The following ZMAT1 variants were observed in gnomAD, a reference collection of about 807,000 sequenced individuals.
The protein encoded by ZMAT1 is zinc finger matrin-type protein 1.
A neutral mutation model predicts 18.5 loss-of-function variants in ZMAT1; 11 were observed. That is an observed-to-expected ratio of 0.59 (90% confidence interval 0.37 to 0.98). The LOEUF (loss-of-function observed/expected upper bound fraction) is 0.98. Among genes scored for constraint, ZMAT1 ranks in the 50% least tolerant of loss-of-function variants. ZMAT1 has a pLI of 0.01. For synonymous variants in ZMAT1, 211 were observed against 176.4 expected, an observed-to-expected ratio of 1.20 and a Z score of -1.55; for missense variants, 525 against 496.2, an observed-to-expected ratio of 1.06 and a Z score of -0.55.
chrX:101,916,021 G>A (rs1603282747), intron 1 of ZMAT1, among the ~76,000 whole-genome samples: 1 of 112,003 alleles, frequency 8.9e-6, no homozygotes, highest in East Asian at 2.8e-4. Context: ...ACTGGATAAA[G>A]AAAATGTGGT....
chrX:101,890,424 A>C (rs925372276), intron 4 of ZMAT1, among the ~76,000 whole-genome samples: 1 of 111,849 alleles, frequency 8.9e-6, no homozygotes, highest in Non-Finnish European at 1.9e-5. Flanking sequence ...AAAAGATTTG[A>C]ATTTGTAAGA....
rs1210711210 is a variant in ZMAT1, at chrX:101,894,971, G to A, written c.676+2897C>T. 4 of 608,865 alleles carry A rather than the reference G, an allele frequency of 6.6e-6. No homozygotes were observed. In the African/African-American group the frequency reaches 9.9e-5, roughly 15 times the overall value. The allele number at this position is 608,865 out of a possible 1,213,427, so 50.2% of individuals were successfully genotyped here. A position where few individuals can be genotyped will look rare whatever the true frequency, so the allele number is the denominator to read the frequency against. On this transcript the variant is annotated intron_variant, in intron 4 of 5. Coordinates refer to ENST00000651725, the MANE Select transcript of ZMAT1 (RefSeq NM_001394560.1). ...AAGTGGATCACTCCAGTCAGGATCA[G>A]TCTCTTTACTGTGCCTGAATTCTTG...
At chrX:101,907,271 G>A (rs759092298) in intron 1 of ZMAT1, among the ~76,000 whole-genome samples, 15 of 111,599 alleles carry the variant, frequency 1.3e-4, no homozygotes, top group Non-Finnish European at 2.6e-4. Context: ...GCCTGCCCTC[G>A]TCAACACAGG....
chrX:101,924,631 G>A (rs1929946706), intron 1 of ZMAT1, among the ~76,000 whole-genome samples: 1 of 111,830 alleles, frequency 8.9e-6, no homozygotes, highest in Non-Finnish European at 1.9e-5. Context: ...TGATAATGAA[G>A]TAAGGGTTTA....
At chrX:101,921,514 G>C (rs1450438471) in intron 1 of ZMAT1, among the ~76,000 whole-genome samples, 2 of 111,460 alleles carry the variant, frequency 1.8e-5, no homozygotes, top group Non-Finnish European at 3.8e-5. Context: ...CCACTCATAA[G>C]GTATAACCTA....
rs375775507 is a variant in ZMAT1, at chrX:101,900,394, G to A, written c.400-2174C>T. Among the ~76,000 whole-genome samples, 27 of 98,158 alleles carry A rather than the reference G, an allele frequency of 2.8e-4. 3 individuals carry two copies. The highest frequency in any genetic ancestry group is 1.7e-3 in the East Asian group (6 of 3,510). The allele number at this position is 98,158 out of a possible 115,157, so 85.2% of individuals were successfully genotyped here. A position where few individuals can be genotyped will look rare whatever the true frequency, so the allele number is the denominator to read the frequency against. On this transcript the variant is annotated intron_variant, in intron 2 of 5. Transcript: ENST00000651725. Reference sequence around the variant, plus strand: ...CCTTGCCTAAGCCAGTATCTAGAAGGGTTTTTCCATTGTTATCATCCAGAA... The same window carrying A: ...CCTTGCCTAAGCCAGTATCTAGAAGAGTTTTTCCATTGTTATCATCCAGAA...
In ZMAT1 at chrX:101,884,320, A is replaced by G. The variant is rs772847572; in HGVS notation, c.1278T>C (p.His426=). Residue 426 remains histidine (H), a synonymous_variant, in exon 6 of 6, where the codon CAT becomes CAC. Coordinates refer to ENST00000651725, the MANE Select transcript of ZMAT1 (RefSeq NM_001394560.1). ...EASQTYQRPY[H]ISPVESQLPQ... is the part of the protein sequence containing the mutation. ...GTAACTGGCTTTCCACTGGTGAAAT[A>G]TGGTATGGTCGTTGGTAGGTCTGGG... 6 of 1,210,257 alleles carry G rather than the reference A, an allele frequency of 5.0e-6. 1 individual carries two copies. The South Asian group carries it at 8.8e-5, about 18-fold the overall frequency.
rs371282679 is a variant in ZMAT1 at position 101,884,386 on chromosome X, G to C, written c.1212C>G (p.Pro404=). ...HGYREMVDSG[P]RSRMCEQRFS... is the part of the protein sequence containing the mutation. Reference sequence around the variant, plus strand: ...ATCTTTGCTCACACATTCTTGATCTGGGTCCAGAATCAACCATTTCTCTGT... The same window carrying C: ...ATCTTTGCTCACACATTCTTGATCTCGGTCCAGAATCAACCATTTCTCTGT... The change falls in exon 6 of 6, where the codon CCC becomes CCG. Residue 404 remains proline (P), a synonymous_variant. Transcript: ENST00000651725. 7 of 1,208,627 alleles carry C rather than the reference G, an allele frequency of 5.8e-6. No individual in the cohort carries two copies. The African/African-American group carries it at 1.2e-4, about 21-fold the overall frequency.
chrX:101,924,918 T>C (rs1483703690), intron 1 of ZMAT1, among the ~76,000 whole-genome samples: 1 of 112,469 alleles, frequency 8.9e-6, no homozygotes. Context: ...GAAAAAGTTC[T>C]GGAGATGGAC....
At chrX:101,888,877 T>TA (rs1391557815) in intron 4 of ZMAT1, 1 of 112,109 alleles carries the variant, frequency 8.9e-6, no homozygotes, top group Non-Finnish European at 1.9e-5. Flanking sequence ...ATTATGACTA[T>TA]AAACTCAGAT....
intron 1 of ZMAT1, among the ~76,000 whole-genome samples, chrX:101,927,364 A>G (rs202054735): frequency 3.6e-5 from 4 of 112,044 alleles, no homozygotes; most frequent in Admixed American, 2.8e-4. Context: ...ACCTCTCAGC[A>G]TGATGACCAC....
At chrX:101,900,847 T>C (rs987723566) in intron 2 of ZMAT1, among the ~76,000 whole-genome samples, 4 of 111,400 alleles carry the variant, frequency 3.6e-5, no homozygotes, top group African/African-American at 1.3e-4. Flanking sequence ...AGAATGATGG[T>C]GGTATTTTGA....
In ZMAT1 at chrX:101,883,334, C is replaced by T. The variant is rs1036170200; in HGVS notation, c.*176G>A. ...TCTTTTCTCAGAGGTTAAGTTTGGGCTTTTTTTTTCCTTCTTTTAATTCAA... is the reference window on the plus strand; with the variant it reads ...TCTTTTCTCAGAGGTTAAGTTTGGGTTTTTTTTTTCCTTCTTTTAATTCAA... On this transcript the variant is annotated 3_prime_UTR_variant, in exon 6 of 6. Coordinates refer to ENST00000651725, the MANE Select transcript of ZMAT1 (RefSeq NM_001394560.1). 40 of 327,653 alleles carry T rather than the reference C, an allele frequency of 1.2e-4. 1 individual carries two copies. The highest frequency in any genetic ancestry group is 1.8e-3 in the Middle Eastern group (2 of 1,139). 27.0% of individuals were successfully genotyped at this position (327,653 alleles called of 1,213,427 possible). A position where few individuals can be genotyped will look rare whatever the true frequency, so the allele number is the denominator to read the frequency against.
intron 4 of ZMAT1, among the ~76,000 whole-genome samples, chrX:101,893,550 A>C (rs1927580420): frequency 8.9e-6 from 1 of 111,877 alleles, no homozygotes; most frequent in African/African-American, 3.2e-5. Context: ...CAACAAATAA[A>C]GATAATTAAT....
intron 4 of ZMAT1, among the ~76,000 whole-genome samples, chrX:101,892,109 A>G (rs1332046304): frequency 9.0e-6 from 1 of 110,931 alleles, no homozygotes; most frequent in Non-Finnish European, 1.9e-5. Flanking sequence ...AGAATGATAT[A>G]GGTTTAAAAT....
intron 5 of ZMAT1, 46 bp downstream of exon 5, chrX:101,886,586 G>T: frequency 1.1e-6 from 1 of 901,236 alleles, no homozygotes; most frequent in Non-Finnish European, 1.6e-6. Context: ...TTGACTAGAA[G>T]CTCTGGTCTT....
intron 1 of ZMAT1, among the ~76,000 whole-genome samples, chrX:101,911,283 G>T (rs1230662554): frequency 8.9e-6 from 1 of 111,862 alleles, no homozygotes; most frequent in Admixed American, 9.5e-5. Context: ...AATGCTAAAG[G>T]AAGTACTTCA....
Position 101,883,962 on chromosome X carries a change from T to C in ZMAT1, c.1636A>G (p.Arg546Gly), listed in dbSNP as rs773916771. Residue 546 changes from arginine to glycine, a missense_variant, in exon 6 of 6, where the codon AGA becomes GGA. Coordinates refer to ENST00000651725, the MANE Select transcript of ZMAT1 (RefSeq NM_001394560.1). ...LDSISYCQLT[R>G]DCFPEKPVPL... ...ACTGGTTTTTCTGGGAAACAGTCTC[T>C]GGTGAGTTGACAGTAGCTAATAGAA... The C allele has an allele frequency of 9.1e-6, 11 of 1,211,147 alleles. No individual in the cohort carries two copies. Among genetic ancestry groups the C allele is most frequent in the Non-Finnish European group, 1.2e-5 (11 of 895,241 alleles).
intron 2 of ZMAT1, among the ~76,000 whole-genome samples, chrX:101,902,373 G>C: frequency 9.0e-6 from 1 of 111,498 alleles, no homozygotes; most frequent in Non-Finnish European, 1.9e-5. Context: ...ATCAACTAAT[G>C]TGTGGCATAT....
Sources: allele counts gnomAD v4.1 joint callset (sites outside exome capture counted in the v4.1 genomes callset), GRCh38; gene constraint gnomAD v4.1.1; transcripts MANE v1.5; gene names NCBI Gene and HGNC (gene_info 2026-07-23, HGNC 2026-07-21).